Variants in PDE3A observed in about 807,000 individuals in gnomAD.
PDE3A encodes phosphodiesterase 3A, also known as cGMP-inhibited 3',5'-cyclic phosphodiesterase 3A.
A neutral mutation model predicts 98.3 loss-of-function variants in PDE3A; 43 were observed. The observed-to-expected ratio is 0.44, with a 90% confidence interval of 0.34 to 0.56. The LOEUF is 0.56. PDE3A is among the 20% of genes least tolerant of loss of function. The probability of loss-of-function intolerance (pLI) is 0.01; values close to 1 mark genes in which losing one functional copy is unlikely to be tolerated. For synonymous variants in PDE3A, 663 were observed against 567.9 expected (o/e 1.17, Z -2.38); for missense variants, 1,427 against 1,440.7 (o/e 0.99, Z 0.15).
intron 1 of PDE3A, among the ~76,000 whole-genome samples, chr12:20,474,237 C>T (rs1945488483): frequency 6.6e-6 from 1 of 152,096 alleles, no homozygotes; most frequent in Non-Finnish European, 1.5e-5. Flanking sequence ...AGGAGTCATT[C>T]TTGAAATGCC....
intron 1 of PDE3A, among the ~76,000 whole-genome samples, chr12:20,448,767 T>TTTTTTTTTTA (rs1945007243): frequency 2.0e-5 from 3 of 150,550 alleles, no homozygotes; most frequent in Non-Finnish European, 3.0e-5. Context: ...TTTTTTTTTT[T>TTTTTTTTTTA]GAGATGGAGT....
intron 1 of PDE3A, among the ~76,000 whole-genome samples, chr12:20,490,865 A>G (rs1945814033): frequency 6.6e-6 from 1 of 152,092 alleles, no homozygotes; most frequent in Admixed American, 6.6e-5. Context: ...GATTTCAGTT[A>G]TTTGGGAGGC....
At chr12:20,400,379 G>GTTTTTTTTTTTTTTTTTTTTTTTTT (rs75851941) in intron 1 of PDE3A, among the ~76,000 whole-genome samples, 3 of 110,260 alleles carry the variant, frequency 2.7e-5, no homozygotes, top group Admixed American at 9.7e-5. Context: ...GTTAACATTG[G>GTTTTTTTTTTTTTTTTTTTTTTTTT]TTTTTTTTTT....
intron 1 of PDE3A, among the ~76,000 whole-genome samples, chr12:20,442,675 T>A (rs917791387): frequency 1.3e-5 from 2 of 152,258 alleles, no homozygotes; most frequent in Non-Finnish European, 2.9e-5. Context: ...GAAATTTATG[T>A]TCACTAGTAG....
intron 2 of PDE3A, among the ~76,000 whole-genome samples, chr12:20,612,723 C>CTTATATAAGTAATATAG (rs1943900099): frequency 2.3e-5 from 1 of 43,222 alleles, no homozygotes; most frequent in African/African-American, 1.1e-4. Flanking sequence ...AAGTAATAAA[C>CTTATATAAGTAATATAG]TATATGTAAG....
chr12:20,429,145 AT>A (rs1187748377), intron 1 of PDE3A, among the ~76,000 whole-genome samples: 1 of 152,362 alleles, frequency 6.6e-6, no homozygotes, highest in Non-Finnish European at 1.5e-5. Flanking sequence ...TATACAGTTT[AT>A]ACCTCCAGTA....
At chr12:20,648,305 G>A (rs997277927) in intron 12 of PDE3A, among the ~76,000 whole-genome samples, 3 of 149,854 alleles carry the variant, frequency 2.0e-5, no homozygotes, top group African/African-American at 7.3e-5. Flanking sequence ...ACATATATAT[G>A]TAAATATAAT....
At chr12:20,370,968 G>A (rs1943462810) in intron 1 of PDE3A, among the ~76,000 whole-genome samples, 2 of 152,208 alleles carry the variant, frequency 1.3e-5, no homozygotes, top group Non-Finnish European at 2.9e-5. Flanking sequence ...GCGTTTTAGT[G>A]TCAACTAAAA....
At chr12:20,598,177 T>C (rs1486364038) in intron 2 of PDE3A, among the ~76,000 whole-genome samples, 2 of 150,668 alleles carry the variant, frequency 1.3e-5, no homozygotes, top group Non-Finnish European at 3.0e-5. Flanking sequence ...TTTTTTTAAT[T>C]ATTATTATTA....
At chr12:20,492,292 T>C (rs1945841118) in intron 1 of PDE3A, among the ~76,000 whole-genome samples, 1 of 152,120 alleles carries the variant, frequency 6.6e-6, no homozygotes, top group South Asian at 2.1e-4. Flanking sequence ...CCTAGTAGTC[T>C]TTCAATACTA....
At chr12:20,549,034 C>G (rs1384516921) in intron 1 of PDE3A, among the ~76,000 whole-genome samples, 1 of 151,642 alleles carries the variant, frequency 6.6e-6, no homozygotes, top group Non-Finnish European at 1.5e-5. Context: ...AACATTTATC[C>G]CTATGGTTCT....
intron 2 of PDE3A, among the ~76,000 whole-genome samples, chr12:20,594,739 G>T (rs1319550742): frequency 6.6e-6 from 1 of 152,060 alleles, no homozygotes; most frequent in African/African-American, 2.4e-5. Context: ...CTCGCTTGCA[G>T]AAATGAGTCA....
chr12:20,590,598 G>A (rs187323841), intron 2 of PDE3A, among the ~76,000 whole-genome samples: 2 of 150,562 alleles, frequency 1.3e-5, no homozygotes, highest in African/African-American at 4.9e-5. Context: ...AATATAAAGA[G>A]CCCTCATCTT....
In PDE3A at chr12:20,680,124, G is replaced by C; in HGVS notation, c.3279G>C (p.Glu1093Asp). Residue 1093 changes from glutamate to aspartate, a missense_variant, in exon 16 of 16, where the codon GAG becomes GAC. By Grantham distance (45) the Glu-to-Asp change is conservative. Transcript: ENST00000359062. Reference protein sequence around the residue: ...HKMWKKVIEEEQRLAGIENQS... With the variant: ...HKMWKKVIEEDQRLAGIENQS... ...TGTGGAAGAAAGTCATTGAAGAGGAGCAACGGTTGGCAGGCATAGAAAATC... is the reference window on the plus strand; with the variant it reads ...TGTGGAAGAAAGTCATTGAAGAGGACCAACGGTTGGCAGGCATAGAAAATC... The C allele has an allele frequency of 6.2e-7, 1 of 1,613,694 alleles. No homozygotes were observed. Among genetic ancestry groups the C allele is most frequent in the African/African-American group, 1.3e-5 (1 of 74,998 alleles).
intron 2 of PDE3A, among the ~76,000 whole-genome samples, chr12:20,564,611 A>T (rs1182368206): frequency 6.6e-6 from 1 of 152,106 alleles, no homozygotes; most frequent in Non-Finnish European, 1.5e-5. Flanking sequence ...TCCTCACAGT[A>T]GTTTCATGGA....
chr12:20,661,906 G>C (rs1012333713), intron 15 of PDE3A, among the ~76,000 whole-genome samples: 1 of 151,836 alleles, frequency 6.6e-6, no homozygotes, highest in South Asian at 2.1e-4. Flanking sequence ...TGTGAGAAGA[G>C]AGCCACTGTC....
chr12:20,390,416 AT>A (rs1565534116), intron 1 of PDE3A, among the ~76,000 whole-genome samples: 1 of 147,986 alleles, frequency 6.8e-6, no homozygotes, highest in Non-Finnish European at 1.5e-5. Flanking sequence ...GACATTGAAG[AT>A]TTATTAAGAT....
intron 6 of PDE3A, among the ~76,000 whole-genome samples, chr12:20,630,565 G>A (rs1259845591): frequency 1.3e-5 from 2 of 152,136 alleles, no homozygotes; most frequent in Non-Finnish European, 2.9e-5. Context: ...TTTAAAATGT[G>A]TGAATAATAC....
In PDE3A at chr12:20,639,964, A is replaced by G. The variant is rs372342055; in HGVS notation, c.2251+7A>G. 4 of 1,160,828 alleles carry G rather than the reference A, an allele frequency of 3.4e-6. No individual in the cohort carries two copies. In the East Asian group the frequency reaches 9.4e-5, roughly 27 times the overall value. 71.9% of individuals were successfully genotyped at this position (1,160,828 alleles called of 1,614,324 possible). ...GGATATAGGGATATTCCTTGTAAGT[A>G]TATGTGATTTGTGAAATAATACTTT... is the stretch of plus-strand genomic sequence containing the variant. On this transcript the variant is annotated splice_region_variant and intron_variant, in intron 10 of 15. Coordinates refer to ENST00000359062, the MANE Select transcript of PDE3A (RefSeq NM_000921.5).
Sources: allele counts gnomAD v4.1 joint callset (sites outside exome capture counted in the v4.1 genomes callset), GRCh38; gene constraint gnomAD v4.1.1; transcripts MANE v1.5; gene names NCBI Gene and HGNC (gene_info 2026-07-23, HGNC 2026-07-21).